ATG16L1: variants seen among roughly 807,000 people sequenced by gnomAD.
ATG16L1 encodes the protein autophagy related 16 like 1.
Under a neutral mutation model 88.5 loss-of-function variants are expected in ATG16L1, and 37 were observed. The ratio of observed to expected loss-of-function variants is 0.42; its 90% CI spans 0.32 to 0.55. The LOEUF (loss-of-function observed/expected upper bound fraction) is 0.55. ATG16L1 is among the 20% of genes least tolerant of loss of function. The probability of loss-of-function intolerance (pLI) is 0.13; values close to 1 mark genes in which losing one functional copy is unlikely to be tolerated. For synonymous variants in ATG16L1, 301 were observed against 281.0 expected (o/e 1.07, Z -0.71); for missense variants, 554 against 752.8 (o/e 0.74, Z 3.09).
chr2:233,268,588 A>C (rs548635145), intron 5 of ATG16L1, among the ~76,000 whole-genome samples: 1 of 152,366 alleles, frequency 6.6e-6, no homozygotes, highest in African/African-American at 2.4e-5. Flanking sequence ...AGTTATAGAA[A>C]GTAGATTTCA....
intron 1 of ATG16L1, among the ~76,000 whole-genome samples, chr2:233,253,627 T>C (rs569376246): frequency 5.3e-4 from 80 of 152,306 alleles, no homozygotes; most frequent in African/African-American, 1.9e-3. Flanking sequence ...ATTACAGGCA[T>C]GAGCCACAGT....
chr2:233,264,177 CGA>C, intron 4 of ATG16L1, 112 bp downstream of exon 4: 1 of 1,039,694 alleles, frequency 9.6e-7, no homozygotes, highest in Non-Finnish European at 1.5e-6. Context: ...GTGCACTTAG[CGA>C]GAGTTTGATT....
intron 9 of ATG16L1, chr2:233,275,465 C>T (rs573227852): frequency 3.2e-5 from 11 of 345,056 alleles, no homozygotes; most frequent in Non-Finnish European, 5.1e-5. Context: ...TAACTGGCAG[C>T]GGGTAAGTGA....
At chr2:233,288,159 A>G (rs1699209975) in intron 12 of ATG16L1, among the ~76,000 whole-genome samples, 1 of 152,196 alleles carries the variant, frequency 6.6e-6, no homozygotes, top group Non-Finnish European at 1.5e-5. Flanking sequence ...AACTCATACA[A>G]GCTTCCCTCA....
At chr2:233,265,248 A>T in intron 5 of ATG16L1, 105 bp downstream of exon 5, 1 of 1,406,960 alleles carries the variant, frequency 7.1e-7, no homozygotes, top group South Asian at 1.4e-5. Flanking sequence ...GAGGTTTACC[A>T]GGGAATTCTT....
intron 2 of ATG16L1, among the ~76,000 whole-genome samples, chr2:233,257,576 C>G (rs1027765105): frequency 2.6e-5 from 4 of 152,156 alleles, no homozygotes; most frequent in Admixed American, 2.0e-4. Flanking sequence ...TTTCAACCTA[C>G]TATATATTTT....
rs555955440 is a variant in ATG16L1 at position 233,290,152 on chromosome 2, G to A, written c.1325-96G>A. ...CTTGTTTAAAGCTTCATTTAAGTGA[G>A]TAACTCTGACAAGTCAGTGGTTAGA... On this transcript the variant is annotated intron_variant, in intron 13 of 17. Transcript: ENST00000392017. 2.5e-5 allele frequency: 37 copies of A among 1,509,950 alleles called. No homozygotes were observed. The African/African-American group carries it at 4.7e-4, about 19-fold the overall frequency. The allele number at this position is 1,509,950 out of a possible 1,614,324, so 93.5% of individuals were successfully genotyped here.
chr2:233,282,838 G>A (rs1698807069), intron 12 of ATG16L1, 85 bp downstream of exon 12: 3 of 1,263,790 alleles, frequency 2.4e-6, no homozygotes, highest in Non-Finnish European at 3.4e-6. Flanking sequence ...CTTAATTAGG[G>A]GACTTTGTTT....
chr2:233,253,332 G>GTTTTTTTTTTTTTTTTTT (rs570754671), intron 1 of ATG16L1, among the ~76,000 whole-genome samples: 2 of 112,890 alleles, frequency 1.8e-5, no homozygotes, highest in African/African-American at 3.3e-5. Context: ...GTGAGACTGG[G>GTTTTTTTTTTTTTTTTTT]TTTTTTTGTT....
intron 12 of ATG16L1, chr2:233,288,870 G>A: frequency 1.9e-6 from 1 of 519,246 alleles, no homozygotes; most frequent in East Asian, 5.4e-5. Flanking sequence ...CAACAGCTTA[G>A]TCACAAAGGG....
chr2:233,262,925 G>T (rs1697317692), intron 2 of ATG16L1, among the ~76,000 whole-genome samples: 1 of 152,088 alleles, frequency 6.6e-6, no homozygotes, highest in Non-Finnish European at 1.5e-5. Context: ...CAGTTGCTTT[G>T]CTTTTTTCCA....
chr2:233,276,066 C>T, intron 9 of ATG16L1: 1 of 459,954 alleles, frequency 2.2e-6, no homozygotes, highest in Non-Finnish European at 4.3e-6. Context: ...GGTTTGGTCA[C>T]CTGTCATACT....
intron 12 of ATG16L1, chr2:233,288,764 C>G (rs1241100487): frequency 7.7e-6 from 4 of 519,122 alleles, no homozygotes; most frequent in Non-Finnish European, 1.5e-5. Context: ...CATCGCACTT[C>G]AGAAGTGCTG....
At chr2:233,292,751 G>C (rs1699548567) in intron 16 of ATG16L1, among the ~76,000 whole-genome samples, 1 of 152,246 alleles carries the variant, frequency 6.6e-6, no homozygotes, top group African/African-American at 2.4e-5. Context: ...AAAAGGGCAG[G>C]AGTGGCCGTG....
chr2:233,292,218 C>G lies in ATG16L1; in HGVS notation c.1521C>G (p.Ser507=). ...NPERTELLSC[S]RDDLLKVIDL... is the part of the protein sequence containing the mutation. ...AAAGGACTGAGCTCCTGAGCTGCTC[C>G]CGTGATGACTTGCTAAAAGTTATTG... The change falls in exon 15 of 18, where the codon TCC becomes TCG. Residue 507 remains serine, a synonymous_variant. Coordinates refer to ENST00000392017, the MANE Select transcript of ATG16L1 (RefSeq NM_030803.7). The G allele has an allele frequency of 6.2e-7, 1 of 1,614,212 alleles. No homozygotes were observed. The highest frequency in any genetic ancestry group is 8.5e-7 in the Non-Finnish European group (1 of 1,180,034).
In ATG16L1 at chr2:233,251,762, C is replaced by G; in HGVS notation, c.-66C>G. 7.0e-7 allele frequency: 1 copy of G among 1,431,924 alleles called. No homozygotes were observed. The highest frequency in any genetic ancestry group is 2.0e-5 in the Admixed American group (1 of 50,674). 88.7% of individuals were successfully genotyped at this position (1,431,924 alleles called of 1,614,324 possible). On this transcript the variant is annotated 5_prime_UTR_variant, in exon 1 of 18. Coordinates refer to ENST00000392017, the MANE Select transcript of ATG16L1 (RefSeq NM_030803.7). ...TCCCGCTTCTGCTGGTTGCTTCATGCTGCAGGCTGCGGCCGTCAGCCCTCG... is the reference window on the plus strand; with the variant it reads ...TCCCGCTTCTGCTGGTTGCTTCATGGTGCAGGCTGCGGCCGTCAGCCCTCG...
chr2:233,251,872 C>T lies in ATG16L1; in HGVS notation c.45C>T (p.Arg15=). 6.4e-7 allele frequency: 1 copy of T among 1,550,838 alleles called. No individual in the cohort carries two copies. The highest frequency in any genetic ancestry group is 8.7e-7 in the Non-Finnish European group (1 of 1,147,434). The change falls in exon 1 of 18, where the codon CGC becomes CGT. Residue 15 remains arginine (R), a synonymous_variant. Transcript: ENST00000392017. The stretch of plus-strand genomic sequence containing the variant: ...CCGCTGACTTCCCCCGCTGGAAGCG[C>T]CACATCTCGGAGCAACTGAGGCGCC... ...LRAADFPRWK[R]HISEQLRRRD...
chr2:233,273,243 G>A (rs1210980351), intron 7 of ATG16L1, 191 bp downstream of exon 7: 1 of 573,014 alleles, frequency 1.7e-6, no homozygotes, highest in Non-Finnish European at 3.1e-6. Context: ...GAGGGAAGCA[G>A]AACACGGGTG....
chr2:233,289,404 T>TGAGA lies in ATG16L1; in HGVS notation c.1204-449_1204-448insAGAG, dbSNP rs1223263691. Reference sequence around the variant, plus strand: ...GTGTGTGTGTGTGTGTGTGTGTGTGTGTGTGACAGGATCTTGCTATCACTC... The same window carrying TGAGA: ...GTGTGTGTGTGTGTGTGTGTGTGTGTGAGAGTGTGACAGGATCTTGCTATCACTC... On this transcript the variant is annotated intron_variant, in intron 12 of 17. Coordinates refer to ENST00000392017, the MANE Select transcript of ATG16L1 (RefSeq NM_030803.7). Among the ~76,000 whole-genome samples the TGAGA allele has an allele frequency of 2.3e-5, 3 of 131,068 alleles. No individual in the cohort carries two copies. In the East Asian group the frequency reaches 6.2e-4, roughly 27 times the overall value. The allele number at this position is 131,068 out of a possible 152,430, so 86.0% of individuals were successfully genotyped here. A position where few individuals can be genotyped will look rare whatever the true frequency, so the allele number is the denominator to read the frequency against.
Sources: gnomAD v4.1 joint callset for allele counts (sites outside exome capture counted in the v4.1 genomes callset) on GRCh38, gnomAD v4.1.1 for gene constraint, MANE v1.5 for transcripts, NCBI Gene and HGNC (gene_info 2026-07-23, HGNC 2026-07-21) for gene names.